The following MEF2C variants were observed in gnomAD, a reference collection of about 807,000 sequenced individuals.
The protein encoded by MEF2C is myocyte enhancer factor 2C.
A neutral mutation model predicts 50.5 loss-of-function variants in MEF2C; 6 were observed. The observed-to-expected ratio is 0.12, with a 90% confidence interval of 0.07 to 0.23. MEF2C has a LOEUF of 0.23. Among genes scored for constraint, MEF2C ranks in the 10% least tolerant of loss-of-function variants. The pLI, the probability that MEF2C is intolerant of heterozygous loss-of-function variation, is 1.00. For missense variants in MEF2C, 276 were observed against 605.0 expected, an observed-to-expected ratio of 0.46 and a Z score of 5.70; for synonymous variants, 183 against 228.0, an observed-to-expected ratio of 0.80 and a Z score of 1.78.
chr5:88,783,983 T>A (rs1166074975), intron 3 of MEF2C, among the ~76,000 whole-genome samples: 2 of 152,236 alleles, frequency 1.3e-5, no homozygotes, highest in Non-Finnish European at 2.9e-5. Context: ...AAGATATACA[T>A]ACTGGAAGGC....
At chr5:88,818,247 A>G (rs1376588504) in intron 2 of MEF2C, among the ~76,000 whole-genome samples, 2 of 152,004 alleles carry the variant, frequency 1.3e-5, no homozygotes, top group African/African-American at 2.4e-5. Flanking sequence ...TTTTAAACAC[A>G]AAAGAAATGA....
chr5:88,832,551 C>A (rs754994373), intron 1 of MEF2C, among the ~76,000 whole-genome samples: 1 of 152,052 alleles, frequency 6.6e-6, no homozygotes, highest in Non-Finnish European at 1.5e-5. Flanking sequence ...TGATTGTGTG[C>A]TACTCCAGGG....
At chr5:88,739,387 G>A in intron 6 of MEF2C, 1 of 979,936 alleles carries the variant, frequency 1.0e-6, no homozygotes, top group Non-Finnish European at 1.2e-6. Flanking sequence ...ATACTGGGTT[G>A]TTAGACAGGA....
intron 6 of MEF2C, chr5:88,742,185 C>T (rs1423305212): frequency 2.0e-6 from 2 of 985,216 alleles, no homozygotes; most frequent in African/African-American, 3.5e-5. Context: ...CAAATCCCCC[C>T]TTCAGCATCT....
At chr5:88,809,545 A>C (rs1379150810) in intron 2 of MEF2C, among the ~76,000 whole-genome samples, 1 of 152,144 alleles carries the variant, frequency 6.6e-6, no homozygotes, top group Non-Finnish European at 1.5e-5. Flanking sequence ...GTTTAAAAGG[A>C]ATTTTCTTTA....
intron 4 of MEF2C, among the ~76,000 whole-genome samples, chr5:88,757,784 C>T (rs1776024620): frequency 6.6e-6 from 1 of 152,048 alleles, no homozygotes; most frequent in Non-Finnish European, 1.5e-5. Context: ...GACCTGGTGG[C>T]AGGCACCTGT....
chr5:88,722,499 TCCACAC>T lies in MEF2C; in HGVS notation c.*99_*104del. Reference sequence around the variant, plus strand: ...AACAGAGTACCTGACTTTTTTTTTTTCCACACACGGCACATATAATGCATATCGACC... The same window carrying T: ...AACAGAGTACCTGACTTTTTTTTTTTACGGCACATATAATGCATATCGACC... On this transcript the variant is annotated 3_prime_UTR_variant, in exon 11 of 11. Coordinates refer to ENST00000504921, the MANE Select transcript of MEF2C (RefSeq NM_002397.5). 9.6e-7 allele frequency: 1 copy of T among 1,036,408 alleles called. No individual in the cohort carries two copies. The allele number at this position is 1,036,408 out of a possible 1,614,324, so 64.2% of individuals were successfully genotyped here. A position where few individuals can be genotyped will look rare whatever the true frequency, so the allele number is the denominator to read the frequency against.
intron 3 of MEF2C, chr5:88,766,870 C>T (rs776902288): frequency 3.1e-6 from 3 of 963,556 alleles, no homozygotes; most frequent in Non-Finnish European, 3.7e-6. Flanking sequence ...AGGTAGTTTC[C>T]TTTCCTCTGA....
chr5:88,724,727 A>G (rs1016518658), intron 10 of MEF2C, among the ~76,000 whole-genome samples: 1 of 152,154 alleles, frequency 6.6e-6, no homozygotes, highest in African/African-American at 2.4e-5. Context: ...AAAAGGATTC[A>G]TAATGGTAGA....
chr5:88,874,293 G>C (rs1017124785), intron 1 of MEF2C, among the ~76,000 whole-genome samples: 20 of 151,830 alleles, frequency 1.3e-4, no homozygotes, highest in African/African-American at 4.6e-4. Context: ...CAATGTATCT[G>C]ACAATACCAA....
At chr5:88,858,825 G>C (rs755224184) in intron 1 of MEF2C, among the ~76,000 whole-genome samples, 7 of 152,130 alleles carry the variant, frequency 4.6e-5, no homozygotes, top group Middle Eastern at 3.2e-3. Flanking sequence ...AAGAATACTT[G>C]AATCTTTAAG....
At chr5:88,789,117 CTAT>C (rs1298839128) in intron 3 of MEF2C, among the ~76,000 whole-genome samples, 5 of 151,192 alleles carry the variant, frequency 3.3e-5, no homozygotes, top group Non-Finnish European at 7.4e-5. Flanking sequence ...AAATAAGTTA[CTAT>C]TATTAAAATA....
At chr5:88,773,766 CCT>C (rs1783499226) in intron 3 of MEF2C, among the ~76,000 whole-genome samples, 3 of 152,202 alleles carry the variant, frequency 2.0e-5, no homozygotes, top group African/African-American at 7.2e-5. Flanking sequence ...GAAAACCAAA[CCT>C]CTCTCGCGTT....
At chr5:88,825,148 A>G (rs769835373) in intron 1 of MEF2C, among the ~76,000 whole-genome samples, 3 of 151,878 alleles carry the variant, frequency 2.0e-5, no homozygotes. Context: ...TATTTAATAG[A>G]TTGTTTGGCT....
intron 1 of MEF2C, among the ~76,000 whole-genome samples, chr5:88,827,885 A>G (rs1239136586): frequency 1.3e-5 from 2 of 151,282 alleles, no homozygotes; most frequent in African/African-American, 4.9e-5. Flanking sequence ...TGCTGGTAAA[A>G]TATGCTAATC....
chr5:88,894,764 C>T (rs1353924613), intron 1 of MEF2C, among the ~76,000 whole-genome samples: 1 of 152,040 alleles, frequency 6.6e-6, no homozygotes, highest in African/African-American at 2.4e-5. Context: ...AAGTAACACT[C>T]GTAAAAGGTC....
intron 4 of MEF2C, among the ~76,000 whole-genome samples, chr5:88,759,782 AAAG>A (rs1483619040): frequency 6.6e-6 from 1 of 152,266 alleles, no homozygotes; most frequent in Non-Finnish European, 1.5e-5. Flanking sequence ...TCATTTAACA[AAAG>A]AAGCAGATAG....
intron 1 of MEF2C, among the ~76,000 whole-genome samples, chr5:88,847,564 T>C (rs369760275): frequency 5.9e-5 from 9 of 152,292 alleles, no homozygotes; most frequent in Admixed American, 4.6e-4. Context: ...CTTCCCTGCT[T>C]ACATCAGCTG....
chr5:88,728,104 A>T (rs1759721350), intron 10 of MEF2C, among the ~76,000 whole-genome samples: 1 of 152,038 alleles, frequency 6.6e-6, no homozygotes, highest in African/African-American at 2.4e-5. Flanking sequence ...TATGTGTATT[A>T]GGTTAACATT....
Sources: allele counts gnomAD v4.1 joint callset (sites outside exome capture counted in the v4.1 genomes callset), GRCh38; gene constraint gnomAD v4.1.1; transcripts MANE v1.5; gene names NCBI Gene and HGNC (gene_info 2026-07-23, HGNC 2026-07-21).